Variants in UNC5D observed in about 807,000 individuals in gnomAD.
The protein encoded by UNC5D is unc-5 netrin receptor D, also known as netrin receptor UNC5D.
UNC5D carries 39 observed loss-of-function variants against 105.4 expected under a neutral mutation model. The observed-to-expected ratio is 0.37, with a 90% CI of 0.29 to 0.48. UNC5D has a LOEUF of 0.48. Among genes scored for constraint, UNC5D ranks in the 20% least tolerant of loss-of-function variants. The pLI, the probability that UNC5D is intolerant of heterozygous loss-of-function variation, is 0.98. For missense variants in UNC5D, 991 were observed against 1,202.4 expected (o/e 0.82, Z 2.60); for synonymous variants, 452 against 450.4 (o/e 1.00, Z -0.04).
chr8:35,703,844 C>A (rs2131439504), intron 7 of UNC5D, among the ~76,000 whole-genome samples: 2 of 152,336 alleles, frequency 1.3e-5, no homozygotes, highest in East Asian at 3.9e-4. Context: ...CAGCCTTGGC[C>A]TGCCAGCCTC....
At chr8:35,459,388 T>G (rs542304151) in intron 1 of UNC5D, among the ~76,000 whole-genome samples, 1 of 152,140 alleles carries the variant, frequency 6.6e-6, no homozygotes, top group African/African-American at 2.4e-5. Context: ...ATTTTAAAAT[T>G]TTTGGCCCCA....
chr8:35,335,849 C>T (rs1427011583), intron 1 of UNC5D, among the ~76,000 whole-genome samples: 2 of 146,928 alleles, frequency 1.4e-5, no homozygotes, highest in Non-Finnish European at 3.0e-5. Context: ...CTGCAAGCTC[C>T]GCCTCCCGGG....
At chr8:35,649,951 G>A (rs902658840) in intron 4 of UNC5D, among the ~76,000 whole-genome samples, 2 of 152,126 alleles carry the variant, frequency 1.3e-5, no homozygotes, top group African/African-American at 4.8e-5. Context: ...TACAAATGGT[G>A]AAATATGAAT....
At chr8:35,594,692 A>G (rs1296184918) in intron 3 of UNC5D, among the ~76,000 whole-genome samples, 1 of 152,136 alleles carries the variant, frequency 6.6e-6, no homozygotes, top group African/African-American at 2.4e-5. Flanking sequence ...GCTCAAGTGG[A>G]AAGCAATGCA....
chr8:35,791,104 C>G lies in UNC5D; in HGVS notation c.*541C>G, dbSNP rs527370306. 2.2e-4 allele frequency: 38 copies of G among 174,248 alleles called. No homozygotes were observed. Among genetic ancestry groups the G allele is most frequent in the Non-Finnish European group, 4.1e-4 (33 of 79,858 alleles). The allele number at this position is 174,248 out of a possible 1,614,324, so 10.8% of individuals were successfully genotyped here. ...GGGCATTTAGAATTTAGAATCTGAG[C>G]ACATCACACCAGCACCAGCTCCCTG... On this transcript the variant is annotated 3_prime_UTR_variant, in exon 17 of 17. Transcript: ENST00000404895.
At chr8:35,301,024 T>C (rs1177982149) in intron 1 of UNC5D, among the ~76,000 whole-genome samples, 3 of 152,184 alleles carry the variant, frequency 2.0e-5, no homozygotes, top group South Asian at 2.1e-4. Context: ...TGAGAGGGAC[T>C]AGAAGCACTG....
chr8:35,727,295 T>G (rs1828927187), intron 10 of UNC5D: 1 of 152,246 alleles, frequency 6.6e-6, no homozygotes, highest in African/African-American at 2.4e-5. Flanking sequence ...GAGAATTAGG[T>G]AGTGCACTGA....
At chr8:35,666,588 G>C (rs908715387) in intron 4 of UNC5D, among the ~76,000 whole-genome samples, 11 of 152,080 alleles carry the variant, frequency 7.2e-5, no homozygotes, top group Non-Finnish European at 1.2e-4. Context: ...GGATAAACTG[G>C]ATAGAAACAA....
At chr8:35,590,919 C>T (rs1819126795) in intron 3 of UNC5D, among the ~76,000 whole-genome samples, 1 of 152,116 alleles carries the variant, frequency 6.6e-6, no homozygotes, top group Non-Finnish European at 1.5e-5. Context: ...ATTGGTTATG[C>T]ATATTTATGA....
chr8:35,388,921 T>A (rs896765757), intron 1 of UNC5D, among the ~76,000 whole-genome samples: 6 of 152,208 alleles, frequency 3.9e-5, no homozygotes, highest in Non-Finnish European at 7.3e-5. Context: ...AGAGCTCTAA[T>A]GTTGAAAGCC....
intron 1 of UNC5D, among the ~76,000 whole-genome samples, chr8:35,506,108 G>A (rs907334433): frequency 1.1e-4 from 17 of 152,254 alleles, no homozygotes; most frequent in Middle Eastern, 3.4e-3. Flanking sequence ...TGGAAAGTAG[G>A]TTATAAATTC....
At chr8:35,399,626 C>A (rs1251751081) in intron 1 of UNC5D, among the ~76,000 whole-genome samples, 2 of 152,038 alleles carry the variant, frequency 1.3e-5, no homozygotes, top group Non-Finnish European at 2.9e-5. Flanking sequence ...ACATCTGTGT[C>A]TCTTTAAAGG....
chr8:35,569,050 T>TAAAAAA (rs34277362), intron 3 of UNC5D, among the ~76,000 whole-genome samples: 1 of 118,854 alleles, frequency 8.4e-6, no homozygotes. Flanking sequence ...CAAGTAGGAC[T>TAAAAAA]AAAAAAAAAA....
chr8:35,318,960 A>G (rs1284102397), intron 1 of UNC5D, among the ~76,000 whole-genome samples: 1 of 152,270 alleles, frequency 6.6e-6, no homozygotes, highest in Non-Finnish European at 1.5e-5. Context: ...AATCTGTCTG[A>G]ATGCATAAAA....
chr8:35,628,659 A>C (rs1353839266), intron 4 of UNC5D, among the ~76,000 whole-genome samples: 9 of 152,224 alleles, frequency 5.9e-5, no homozygotes, highest in African/African-American at 2.2e-4. Flanking sequence ...GTATTAAATT[A>C]CTAGGTACCA....
chr8:35,387,633 C>T (rs1803493120), intron 1 of UNC5D, among the ~76,000 whole-genome samples: 1 of 152,126 alleles, frequency 6.6e-6, no homozygotes, highest in Non-Finnish European at 1.5e-5. Flanking sequence ...CCGTATTTGA[C>T]GCTCAGCTAG....
At chr8:35,392,976 T>C (rs545371259) in intron 1 of UNC5D, among the ~76,000 whole-genome samples, 3 of 151,824 alleles carry the variant, frequency 2.0e-5, no homozygotes, top group Non-Finnish European at 4.4e-5. Context: ...AACATTCATA[T>C]ATTTTGTTCT....
intron 13 of UNC5D, among the ~76,000 whole-genome samples, chr8:35,756,577 A>G (rs1830531888): frequency 6.6e-6 from 1 of 150,842 alleles, no homozygotes; most frequent in African/African-American, 2.5e-5. Flanking sequence ...AGAAAAAAAG[A>G]AAGTCAAGCA....
intron 1 of UNC5D, among the ~76,000 whole-genome samples, chr8:35,430,850 C>T (rs893796919): frequency 4.6e-5 from 7 of 152,140 alleles, no homozygotes; most frequent in African/African-American, 1.4e-4. Context: ...AGTAAGAGTG[C>T]AGAGTGACAG....
Sources: allele counts gnomAD v4.1 joint callset (sites outside exome capture counted in the v4.1 genomes callset), GRCh38; gene constraint gnomAD v4.1.1; transcripts MANE v1.5; gene names NCBI Gene and HGNC (gene_info 2026-07-23, HGNC 2026-07-21).